DIP2C: variants seen among roughly 807,000 people sequenced by gnomAD.
DIP2C encodes the protein disco-interacting protein 2 homolog C.
In DIP2C, 33 loss-of-function variants were observed where a neutral mutation model predicts 192.4. The ratio of observed to expected loss-of-function variants is 0.17; its 90% CI spans 0.13 to 0.23. The LOEUF (loss-of-function observed/expected upper bound fraction) is 0.23, where lower values mean the gene tolerates loss of function less well. DIP2C is among the 10% of genes least tolerant of loss of function. The probability of loss-of-function intolerance (pLI) is 1.00; values close to 1 mark genes in which losing one functional copy is unlikely to be tolerated. For synonymous variants in DIP2C, 979 were observed against 864.1 expected, an observed-to-expected ratio of 1.13 and a Z score of -2.33; for missense variants, 1,537 against 2,110.1, an observed-to-expected ratio of 0.73 and a Z score of 5.32.
chr10:530,195 G>A (rs1290588697), intron 1 of DIP2C, among the ~76,000 whole-genome samples: 4 of 152,234 alleles, frequency 2.6e-5, no homozygotes, highest in Admixed American at 1.3e-4. Flanking sequence ...CAGCACGTGA[G>A]CACAGATCAA....
At chr10:554,114 G>A (rs891440191) in intron 1 of DIP2C, among the ~76,000 whole-genome samples, 1 of 151,984 alleles carries the variant, frequency 6.6e-6, no homozygotes, top group Non-Finnish European at 1.5e-5. Flanking sequence ...GTGGCGAACA[G>A]GCAGGAAATA....
chr10:384,264 C>T (rs527591064), intron 15 of DIP2C, 118 bp from the exon 16 acceptor site: 9 of 1,234,014 alleles, frequency 7.3e-6, no homozygotes, highest in Middle Eastern at 4.0e-4. Context: ...ACCCAGCCCC[C>T]ACAAACCTTT....
rs145952021 is a variant in DIP2C at position 422,921 on chromosome 10, G to A, written c.507C>T (p.His169=). The A allele has an allele frequency of 3.4e-5, 55 of 1,613,988 alleles. 1 individual carries two copies. Among genetic ancestry groups the A allele is most frequent in the Non-Finnish European group, 4.1e-5 (48 of 1,180,050 alleles). The change falls in exon 5 of 37, where the codon CAC becomes CAT. Residue 169 remains histidine, a synonymous_variant. Transcript: ENST00000280886. ...AGGAGGTGGTGGACGTGGTGGAGCC[G>A]TGGATGGCCTGGCTGATCCAGTGCT... ...NMEHWISQAI[H]GSTTSTTSSS...
chr10:285,663 G>A lies in DIP2C; in HGVS notation c.4119+610C>T, dbSNP rs570641368. On this transcript the variant is annotated intron_variant, in intron 34 of 36. Coordinates refer to ENST00000280886, the MANE Select transcript of DIP2C (RefSeq NM_014974.3). ...CGCCCAGCAGTGCCAGGGCCTGCTT[G>A]AGATGAGGTGTCAAGAGAGGAGACC... 4.6e-5 allele frequency among the ~76,000 whole-genome samples: 7 copies of A among 152,364 alleles called. No individual in the cohort carries two copies. The East Asian group carries it at 1.4e-3, about 29-fold the overall frequency.
chr10:568,682 C>T (rs1452395286), intron 1 of DIP2C, among the ~76,000 whole-genome samples: 12 of 137,902 alleles, frequency 8.7e-5, no homozygotes, highest in African/African-American at 2.4e-4. Flanking sequence ...AGGAGAATGG[C>T]GTGAACCCGG....
intron 36 of DIP2C, among the ~76,000 whole-genome samples, chr10:280,246 T>C (rs531750351): frequency 2.4e-4 from 36 of 152,302 alleles, no homozygotes; most frequent in Non-Finnish European, 4.3e-4. Flanking sequence ...CCAGCCTTTA[T>C]TGCATCTCAG....
intron 1 of DIP2C, among the ~76,000 whole-genome samples, chr10:661,041 C>A (rs376788567): frequency 6.6e-6 from 1 of 152,204 alleles, no homozygotes; most frequent in East Asian, 1.9e-4. Flanking sequence ...AAAGCTGGTG[C>A]TGGTTGAGGC....
intron 24 of DIP2C, among the ~76,000 whole-genome samples, chr10:354,111 CCT>C (rs1470053465): frequency 6.6e-6 from 1 of 152,302 alleles, no homozygotes. Context: ...AGCGTGCCTG[CCT>C]CTGTGTCCAG....
At chr10:365,479 G>A (rs1960081185) in intron 19 of DIP2C, among the ~76,000 whole-genome samples, 1 of 152,240 alleles carries the variant, frequency 6.6e-6, no homozygotes, top group African/African-American at 2.4e-5. Context: ...TGAAGCTGCA[G>A]TGAGCTGTGA....
chr10:283,832 T>A (rs1308191656), intron 34 of DIP2C, among the ~76,000 whole-genome samples: 1 of 152,192 alleles, frequency 6.6e-6, no homozygotes, highest in Non-Finnish European at 1.5e-5. Context: ...GCTTTGAGAT[T>A]TCTTTTCTCA....
At chr10:376,897 T>C (rs934879207) in intron 17 of DIP2C, among the ~76,000 whole-genome samples, 1 of 152,238 alleles carries the variant, frequency 6.6e-6, no homozygotes, top group Non-Finnish European at 1.5e-5. Context: ...TGTACCTTTT[T>C]CGATGTTTAG....
chr10:611,219 T>C (rs1021525704), intron 1 of DIP2C, among the ~76,000 whole-genome samples: 24 of 152,268 alleles, frequency 1.6e-4, no homozygotes, highest in African/African-American at 5.3e-4. Context: ...TTTCCGGCCA[T>C]GTAAAGACGT....
intron 8 of DIP2C, 55 bp downstream of exon 8, chr10:413,858 G>A (rs926787373): frequency 6.0e-5 from 95 of 1,581,500 alleles, no homozygotes; most frequent in Middle Eastern, 1.9e-4. Context: ...TCCTGCGTTC[G>A]GGAGTGGCTG....
intron 1 of DIP2C, among the ~76,000 whole-genome samples, chr10:550,789 C>G (rs1157923936): frequency 6.6e-6 from 1 of 152,202 alleles, no homozygotes; most frequent in Non-Finnish European, 1.5e-5. Flanking sequence ...ACAAGCATCC[C>G]TTGACCAGGA....
intron 24 of DIP2C, 148 bp downstream of exon 24, chr10:356,278 C>G (rs770718547): frequency 7.9e-6 from 7 of 885,962 alleles, no homozygotes. Context: ...TCCCTAGGTA[C>G]AAAAGTCTCA....
chr10:658,150 ACGCTGGACCTGC>A (rs1588701710), intron 1 of DIP2C, among the ~76,000 whole-genome samples: 2 of 84,350 alleles, frequency 2.4e-5, no homozygotes, highest in South Asian at 3.7e-4. Context: ...CCTGGACCTG[ACGCTGGACCTGC>A]CGCTGGACCT....
intron 1 of DIP2C, among the ~76,000 whole-genome samples, chr10:597,762 T>C (rs2131676819): frequency 6.6e-6 from 1 of 152,312 alleles, no homozygotes; most frequent in South Asian, 2.1e-4. Flanking sequence ...CAAAATAAGC[T>C]TGAGGTTAAA....
intron 1 of DIP2C, among the ~76,000 whole-genome samples, chr10:602,133 C>G (rs1852126118): frequency 6.6e-6 from 1 of 152,116 alleles, no homozygotes; most frequent in Non-Finnish European, 1.5e-5. Flanking sequence ...TTTCAGGACT[C>G]AGGCAACGTT....
chr10:550,446 G>A (rs1038985327), intron 1 of DIP2C, among the ~76,000 whole-genome samples: 6 of 152,170 alleles, frequency 3.9e-5, no homozygotes, highest in African/African-American at 9.7e-5. Flanking sequence ...GTTCCACACC[G>A]CAGAAGGATC....
Sources: allele counts gnomAD v4.1 joint callset (sites outside exome capture counted in the v4.1 genomes callset), GRCh38; gene constraint gnomAD v4.1.1; transcripts MANE v1.5; gene names NCBI Gene and HGNC (gene_info 2026-07-23, HGNC 2026-07-21).